The following STON2 variants were observed in gnomAD, a reference collection of about 807,000 sequenced individuals.
STON2 encodes the protein stonin 2.
In STON2, 29 loss-of-function variants were observed where a neutral mutation model predicts 65.7. The ratio of observed to expected loss-of-function variants is 0.44; its 90% confidence interval spans 0.33 to 0.60. The LOEUF is 0.60. STON2 is among the 20% of genes least tolerant of loss of function. The pLI, the probability that STON2 is intolerant of heterozygous loss-of-function variation, is 0.03. For synonymous variants in STON2, 404 were observed against 414.2 expected (o/e 0.98, Z 0.30); for missense variants, 1,054 against 1,118.1 (o/e 0.94, Z 0.82).
chr14:81,383,153 C>T (rs1899616078), intron 3 of STON2, among the ~76,000 whole-genome samples: 1 of 152,220 alleles, frequency 6.6e-6, no homozygotes, highest in Non-Finnish European at 1.5e-5. Flanking sequence ...TCAATATCTG[C>T]TTCTTCTCCT....
chr14:81,299,227 C>G (rs1010835813), intron 5 of STON2, among the ~76,000 whole-genome samples: 4 of 152,146 alleles, frequency 2.6e-5, no homozygotes, highest in Non-Finnish European at 4.4e-5. Flanking sequence ...CATACATGCA[C>G]AGAATTAACG....
chr14:81,331,570 C>A (rs1897216795), intron 4 of STON2, among the ~76,000 whole-genome samples: 1 of 152,302 alleles, frequency 6.6e-6, no homozygotes, highest in African/African-American at 2.4e-5. Context: ...TCCTCCCATA[C>A]CCTCATCCAC....
intron 4 of STON2, among the ~76,000 whole-genome samples, chr14:81,368,254 G>T (rs974552800): frequency 2.6e-5 from 4 of 152,284 alleles, no homozygotes; most frequent in African/African-American, 9.6e-5. Flanking sequence ...TCTCAGTGGT[G>T]TTCTCTTAAC....
intron 5 of STON2, among the ~76,000 whole-genome samples, chr14:81,307,168 A>G (rs1358931126): frequency 6.6e-6 from 1 of 152,230 alleles, no homozygotes; most frequent in Non-Finnish European, 1.5e-5. Context: ...AAATTTAAAA[A>G]ACACACAGAA....
Position 81,265,453 on chromosome 14 carries a change from G to A in STON2, c.*2961C>T, listed in dbSNP as rs959568733. On this transcript the variant is annotated 3_prime_UTR_variant, in exon 8 of 8. Transcript: ENST00000614646. The stretch of plus-strand genomic sequence containing the variant: ...GCTTATCACCTGAGGTCAGACATTC[G>A]AGACCAGCCTGGCCAACATGGTGAA... 8.5e-5 allele frequency: 52 copies of A among 608,440 alleles called. No individual in the cohort carries two copies. Among genetic ancestry groups the A allele is most frequent in the African/African-American group, 5.6e-4 (28 of 49,758 alleles). The allele number at this position is 608,440 out of a possible 1,614,324, so 37.7% of individuals were successfully genotyped here.
At chr14:81,270,405 C>A (rs1894526138) in intron 7 of STON2, 1 of 1,397,688 alleles carries the variant, frequency 7.2e-7, no homozygotes, top group Admixed American at 3.2e-5. Context: ...TTTTTGTTGT[C>A]ATTGCTCATA....
At chr14:81,328,213 C>T (rs1469615315) in intron 4 of STON2, among the ~76,000 whole-genome samples, 1 of 152,118 alleles carries the variant, frequency 6.6e-6, no homozygotes, top group Non-Finnish European at 1.5e-5. Context: ...ATTGGCTTTA[C>T]TTTGTCTCAA....
chr14:81,343,666 C>G (rs1417189754), intron 4 of STON2, among the ~76,000 whole-genome samples: 2 of 152,176 alleles, frequency 1.3e-5, no homozygotes, highest in African/African-American at 4.8e-5. Context: ...AAAAAATTTT[C>G]TTCCCATTCA....
intron 4 of STON2, among the ~76,000 whole-genome samples, chr14:81,359,770 G>A (rs892716468): frequency 6.6e-6 from 1 of 152,080 alleles, no homozygotes; most frequent in Non-Finnish European, 1.5e-5. Context: ...TGGAAGAAAC[G>A]GATAAATTCC....
In STON2 at chr14:81,339,880, C is replaced by T. The variant is rs371236234; in HGVS notation, c.572-15693G>A. 1.5e-3 allele frequency among the ~76,000 whole-genome samples: 231 copies of T among 152,298 alleles called. 1 individual carries two copies. The highest frequency in any genetic ancestry group is 4.5e-3 in the African/African-American group (187 of 41,558). ...TCAAAATAAGCTGAGTAACGCTGGG[C>T]GTGGTGGCTCACGCCTGTAATCCCA... On this transcript the variant is annotated intron_variant, in intron 4 of 7. Coordinates refer to ENST00000614646, the MANE Select transcript of STON2 (RefSeq NM_001394390.1).
chr14:81,377,326 G>C (rs1899300147), intron 3 of STON2, among the ~76,000 whole-genome samples: 1 of 152,186 alleles, frequency 6.6e-6, no homozygotes, highest in South Asian at 2.1e-4. Flanking sequence ...CTTCATCTGA[G>C]TTGTTGCATG....
chr14:81,355,608 T>C (rs142138067), intron 4 of STON2, among the ~76,000 whole-genome samples: 28 of 152,344 alleles, frequency 1.8e-4, no homozygotes, highest in African/African-American at 6.0e-4. Context: ...AGGGAGTTCA[T>C]TGCCAGTATG....
At chr14:81,381,156 T>C (rs945820480) in intron 3 of STON2, among the ~76,000 whole-genome samples, 44 of 152,270 alleles carry the variant, frequency 2.9e-4, no homozygotes, top group East Asian at 9.7e-4. Flanking sequence ...AAAGTGAAAC[T>C]AGACTTGTAC....
intron 5 of STON2, among the ~76,000 whole-genome samples, chr14:81,305,378 C>A (rs535923043): frequency 1.3e-5 from 2 of 152,266 alleles, no homozygotes; most frequent in African/African-American, 4.8e-5. Flanking sequence ...CTGGATACTG[C>A]CTGTTATTTT....
chr14:81,392,807 T>G (rs1900142898), intron 3 of STON2, among the ~76,000 whole-genome samples: 1 of 152,172 alleles, frequency 6.6e-6, no homozygotes, highest in South Asian at 2.1e-4. Flanking sequence ...GAATCACAAT[T>G]TTAAGAAATT....
chr14:81,394,844 C>T (rs1033927445), intron 3 of STON2: 1 of 152,176 alleles, frequency 6.6e-6, no homozygotes. Flanking sequence ...GATTTTGACC[C>T]GGTGACACCC....
intron 3 of STON2, among the ~76,000 whole-genome samples, chr14:81,383,059 T>C (rs72703752): frequency 0.19 from 29,037 of 152,198 alleles, 3,401 homozygotes; most frequent in East Asian, 0.44. Flanking sequence ...AGACCTTTGA[T>C]GTCTGAGCCA....
intron 4 of STON2, among the ~76,000 whole-genome samples, chr14:81,339,897 G>A (rs1897526267): frequency 1.3e-5 from 2 of 152,214 alleles, no homozygotes; most frequent in African/African-American, 2.4e-5. Flanking sequence ...GCTCACGCCT[G>A]TAATCCCAAC....
intron 5 of STON2, among the ~76,000 whole-genome samples, chr14:81,294,554 C>T (rs1209843996): frequency 1.3e-5 from 2 of 152,176 alleles, no homozygotes; most frequent in Non-Finnish European, 2.9e-5. Flanking sequence ...GTACTTACCT[C>T]TTACATTGTT....
Sources: allele counts gnomAD v4.1 joint callset (sites outside exome capture counted in the v4.1 genomes callset), GRCh38; gene constraint gnomAD v4.1.1; transcripts MANE v1.5; gene names NCBI Gene and HGNC (gene_info 2026-07-23, HGNC 2026-07-21).